Variants in WDFY2 observed in about 807,000 individuals in gnomAD.
WDFY2 encodes the protein WD repeat and FYVE domain containing 2.
A neutral mutation model predicts 56.4 loss-of-function variants in WDFY2; 36 were observed. The ratio of observed to expected loss-of-function variants is 0.64; its 90% CI spans 0.49 to 0.84. WDFY2 has a LOEUF of 0.84. Ranked by LOEUF, WDFY2 falls within the 40% of genes least tolerant of loss-of-function variation. The pLI, the probability that WDFY2 is intolerant of heterozygous loss-of-function variation, is 0.00. For missense variants in WDFY2, 444 were observed against 512.2 expected, an observed-to-expected ratio of 0.87 and a Z score of 1.29; for synonymous variants, 176 against 183.7, an observed-to-expected ratio of 0.96 and a Z score of 0.34.
chr13:51,667,272 A>G (rs139153743), intron 2 of WDFY2, among the ~76,000 whole-genome samples: 22 of 152,340 alleles, frequency 1.4e-4, no homozygotes, highest in Non-Finnish European at 3.1e-4. Flanking sequence ...TATTGGGACT[A>G]TAATCTTAAG....
At chr13:51,703,698 CT>C in intron 4 of WDFY2, 48 bp downstream of exon 4, 2 of 1,505,816 alleles carry the variant, frequency 1.3e-6, no homozygotes, top group Non-Finnish European at 1.8e-6. Context: ...TAAAATACTT[CT>C]TGGTGGTTTT....
chr13:51,673,161 A>T (rs1238070329), intron 2 of WDFY2, among the ~76,000 whole-genome samples: 1 of 152,242 alleles, frequency 6.6e-6, no homozygotes, highest in East Asian at 1.9e-4. Context: ...AAATATAGGA[A>T]ATTGGGGAAA....
At chr13:51,740,742 T>TTG (rs1952952688) in intron 7 of WDFY2, among the ~76,000 whole-genome samples, 1 of 150,610 alleles carries the variant, frequency 6.6e-6, no homozygotes, top group Non-Finnish European at 1.5e-5. Flanking sequence ...CAAAGCACAG[T>TTG]TGTGTTTAAT....
intron 1 of WDFY2, among the ~76,000 whole-genome samples, chr13:51,595,707 A>G (rs563332539): frequency 3.9e-5 from 6 of 152,240 alleles, no homozygotes; most frequent in Non-Finnish European, 8.8e-5. Flanking sequence ...AGAAAAAAGA[A>G]ATCAAAAGAT....
At position 51,748,354 on chromosome 13, in the gene WDFY2, A is replaced by T. The variant is rs115459525; in HGVS notation, c.726-2956A>T. On this transcript the variant is annotated intron_variant, in intron 7 of 11. Coordinates refer to ENST00000298125, the MANE Select transcript of WDFY2 (RefSeq NM_052950.4). ...TGGATGTGCTCTTGTGATCAGACTAATGAGCAGCACCCTTCTGCAGAAGTA... is the reference window on the plus strand; with the variant it reads ...TGGATGTGCTCTTGTGATCAGACTATTGAGCAGCACCCTTCTGCAGAAGTA... Among the ~76,000 whole-genome samples the T allele has an allele frequency of 9.1e-3, 1,392 of 152,298 alleles. 18 individuals carry two copies. Among genetic ancestry groups the T allele is most frequent in the African/African-American group, 0.032 (1,316 of 41,558 alleles).
intron 1 of WDFY2, among the ~76,000 whole-genome samples, chr13:51,602,549 C>T (rs1954307518): frequency 6.6e-6 from 1 of 152,222 alleles, no homozygotes; most frequent in South Asian, 2.1e-4. Context: ...TAATCTTTTT[C>T]TTCTCCATTA....
rs1289999479 is a variant in WDFY2, at chr13:51,761,151, A to G, written c.*1382A>G. The stretch of plus-strand genomic sequence containing the variant: ...ACACTTTGCACACTTTCTTACTAAA[A>G]CGGTATGTGGGTGGTCCGAGACAGA... On this transcript the variant is annotated 3_prime_UTR_variant, in exon 12 of 12. Transcript: ENST00000298125. 2 of 152,078 alleles carry G rather than the reference A, an allele frequency of 1.3e-5. No homozygotes were observed. Among genetic ancestry groups the G allele is most frequent in the African/African-American group, 4.8e-5 (2 of 41,392 alleles). 9.4% of individuals were successfully genotyped at this position (152,078 alleles called of 1,614,324 possible). A position where few individuals can be genotyped will look rare whatever the true frequency, so the allele number is the denominator to read the frequency against.
intron 1 of WDFY2, among the ~76,000 whole-genome samples, chr13:51,637,977 T>G (rs1003025940): frequency 6.6e-6 from 1 of 152,234 alleles, no homozygotes; most frequent in South Asian, 2.1e-4. Context: ...TACCTAACTT[T>G]CTGCGAATGC....
intron 1 of WDFY2, 41 bp from the exon 2 acceptor site, chr13:51,660,555 A>C (rs1955593213): frequency 1.9e-6 from 3 of 1,584,554 alleles, no homozygotes; most frequent in Non-Finnish European, 2.6e-6. Flanking sequence ...CCCATGGCTA[A>C]GAATAATGTG....
At chr13:51,608,709 A>T (rs1212792131) in intron 1 of WDFY2, among the ~76,000 whole-genome samples, 1 of 152,048 alleles carries the variant, frequency 6.6e-6, no homozygotes, top group African/African-American at 2.4e-5. Flanking sequence ...AAACAATCAC[A>T]TTTTATTTTC....
At chr13:51,679,478 G>T (rs1955942080) in intron 3 of WDFY2, among the ~76,000 whole-genome samples, 2 of 152,132 alleles carry the variant, frequency 1.3e-5, no homozygotes, top group South Asian at 4.1e-4. Context: ...TGTGTTATGG[G>T]AAGTTTGATT....
At chr13:51,651,127 C>G (rs1196290486) in intron 1 of WDFY2, among the ~76,000 whole-genome samples, 1 of 152,136 alleles carries the variant, frequency 6.6e-6, no homozygotes, top group Non-Finnish European at 1.5e-5. Flanking sequence ...TCAACTTCTT[C>G]CTGGTTTATT....
chr13:51,598,905 CTTTT>C (rs569169884), intron 1 of WDFY2, among the ~76,000 whole-genome samples: 5 of 115,748 alleles, frequency 4.3e-5, no homozygotes, highest in African/African-American at 1.3e-4. Context: ...GTGCCATTTA[CTTTT>C]TTTTTTTTTT....
At chr13:51,749,239 G>A (rs2138712405) in intron 7 of WDFY2, among the ~76,000 whole-genome samples, 1 of 152,164 alleles carries the variant, frequency 6.6e-6, no homozygotes, top group South Asian at 2.1e-4. Flanking sequence ...TCCAAATTAA[G>A]TATATATCGA....
At chr13:51,690,719 G>A (rs1225071114) in intron 3 of WDFY2, among the ~76,000 whole-genome samples, 2 of 152,116 alleles carry the variant, frequency 1.3e-5, no homozygotes, top group South Asian at 2.1e-4. Flanking sequence ...TCAGTAATGG[G>A]ATGGCTGGGT....
chr13:51,725,888 C>A (rs1952593519), intron 5 of WDFY2, among the ~76,000 whole-genome samples: 1 of 152,004 alleles, frequency 6.6e-6, no homozygotes, highest in South Asian at 2.1e-4. Flanking sequence ...GAGATGAGGT[C>A]TCACTTTGTT....
At chr13:51,698,172 T>G (rs1334352190) in intron 3 of WDFY2, among the ~76,000 whole-genome samples, 1 of 152,224 alleles carries the variant, frequency 6.6e-6, no homozygotes, top group East Asian at 1.9e-4. Context: ...AGCACCGTGC[T>G]TTGCTATCTT....
At chr13:51,625,392 G>T (rs1281167293) in intron 1 of WDFY2, among the ~76,000 whole-genome samples, 8 of 152,138 alleles carry the variant, frequency 5.3e-5, no homozygotes, top group Non-Finnish European at 1.0e-4. Context: ...TAACGCTCCT[G>T]TTCATCAGTT....
At chr13:51,709,883 T>A (rs996498049) in intron 4 of WDFY2, among the ~76,000 whole-genome samples, 3 of 152,178 alleles carry the variant, frequency 2.0e-5, no homozygotes, top group Non-Finnish European at 4.4e-5. Context: ...CCATTCCTTC[T>A]GAAACTATTC....
Sources: gnomAD v4.1 joint callset for allele counts (sites outside exome capture counted in the v4.1 genomes callset) on GRCh38, gnomAD v4.1.1 for gene constraint, MANE v1.5 for transcripts, NCBI Gene and HGNC (gene_info 2026-07-23, HGNC 2026-07-21) for gene names.